Variants in ITK observed in about 807,000 individuals in gnomAD.
ITK encodes IL2 inducible T cell kinase.
Under a neutral mutation model 87.6 loss-of-function variants are expected in ITK, and 45 were observed. That is an observed-to-expected ratio of 0.51 (90% CI 0.40 to 0.66). The LOEUF is 0.66. Ranked by LOEUF, ITK falls within the 30% of genes least tolerant of loss-of-function variation. The probability of loss-of-function intolerance (pLI) is 0.00; values close to 1 mark genes in which losing one functional copy is unlikely to be tolerated. For synonymous variants in ITK, 303 were observed against 273.6 expected (o/e 1.11, Z -1.06); for missense variants, 605 against 766.3 (o/e 0.79, Z 2.48).
intron 10 of ITK, 62 bp from the exon 11 acceptor site, chr5:157,241,584 A>AAGTT: frequency 8.9e-7 from 1 of 1,118,340 alleles, no homozygotes; most frequent in Non-Finnish European, 1.4e-6. Flanking sequence ...TTAGTGATTT[A>AAGTT]AGTTAGATGG....
In ITK at chr5:157,214,739, T is replaced by C. The variant is rs189511933; in HGVS notation, c.454+420T>C. ...TAATTAAAGAGGCAGCCTTAAGAGA[T>C]ATAAAATATTTATGTCTTACAGTGA... is the stretch of plus-strand genomic sequence containing the variant. On this transcript the variant is annotated intron_variant, in intron 4 of 16. Coordinates refer to ENST00000422843, the MANE Select transcript of ITK (RefSeq NM_005546.4). 7.2e-5 allele frequency among the ~76,000 whole-genome samples: 11 copies of C among 152,306 alleles called. No individual in the cohort carries two copies. In the East Asian group the frequency reaches 1.9e-3, roughly 27 times the overall value.
At chr5:157,181,750 GA>G (rs1753526315) in intron 1 of ITK, among the ~76,000 whole-genome samples, 1 of 152,228 alleles carries the variant, frequency 6.6e-6, no homozygotes, top group Non-Finnish European at 1.5e-5. Context: ...GGGTTATTAA[GA>G]ACAAAGTTTC....
At chr5:157,207,132 C>T (rs1754093591) in intron 1 of ITK, among the ~76,000 whole-genome samples, 1 of 151,902 alleles carries the variant, frequency 6.6e-6, no homozygotes, top group Non-Finnish European at 1.5e-5. Context: ...TGATAGACAA[C>T]CTAAGTCTTT....
intron 1 of ITK, among the ~76,000 whole-genome samples, chr5:157,194,195 C>T (rs1424629572): frequency 6.6e-6 from 1 of 152,130 alleles, no homozygotes; most frequent in East Asian, 1.9e-4. Flanking sequence ...TTCTACTTAC[C>T]TTCACGACTG....
At chr5:157,233,932 CATATATATATATAT>C (rs201838461) in intron 8 of ITK, among the ~76,000 whole-genome samples, 267 of 21,522 alleles carry the variant, frequency 0.012, 6 homozygotes, top group South Asian at 0.032. Flanking sequence ...CTTACTGATA[CATATATATATATAT>C]ATATATATAT....
At chr5:157,210,492 CAGTTT>C (rs1025544664) in intron 2 of ITK, among the ~76,000 whole-genome samples, 4 of 149,992 alleles carry the variant, frequency 2.7e-5, no homozygotes, top group African/African-American at 9.8e-5. Context: ...AAGAAGACTG[CAGTTT>C]AGTTAACAGT....
chr5:157,229,653 C>T (rs1754609443), intron 7 of ITK, among the ~76,000 whole-genome samples: 1 of 152,202 alleles, frequency 6.6e-6, no homozygotes, highest in African/African-American at 2.4e-5. Flanking sequence ...GTGGCCCACA[C>T]CTGTAGTCTC....
rs559746566 is a variant in ITK at position 157,200,650 on chromosome 5, T to C, written c.139-8239T>C. 3.1e-3 allele frequency among the ~76,000 whole-genome samples: 468 copies of C among 152,264 alleles called. 2 individuals are homozygous for C. Among genetic ancestry groups the C allele is most frequent in the Non-Finnish European group, 4.6e-3 (310 of 68,020 alleles). ...GACTGACCAACCAGTCAGGATGGAT[T>C]GTGGTGGTGGATCCCAAGCACTCAT... On this transcript the variant is annotated intron_variant, in intron 1 of 16. Coordinates refer to ENST00000422843, the MANE Select transcript of ITK (RefSeq NM_005546.4).
chr5:157,253,700 C>T lies in ITK; in HGVS notation c.*1022C>T. On this transcript the variant is annotated 3_prime_UTR_variant, in exon 17 of 17. Coordinates refer to ENST00000422843, the MANE Select transcript of ITK (RefSeq NM_005546.4). ...ATGTTCCCTTGGCGAGCAATTGAAA[C>T]TTGTTTAGGCCCTAGGGTTGAGCAA... 4.5e-6 allele frequency: 1 copy of T among 222,354 alleles called. No individual in the cohort carries two copies. Among genetic ancestry groups the T allele is most frequent in the Non-Finnish European group, 9.0e-6 (1 of 111,172 alleles). The allele number at this position is 222,354 out of a possible 1,614,324, so 13.8% of individuals were successfully genotyped here.
At chr5:157,243,955 C>G in intron 12 of ITK, 161 bp downstream of exon 12, 1 of 743,248 alleles carries the variant, frequency 1.3e-6, no homozygotes, top group Non-Finnish European at 2.4e-6. Flanking sequence ...TCACAGTGGT[C>G]TCCAAGGCCC....
intron 1 of ITK, chr5:157,195,650 T>C (rs1294075314): frequency 6.6e-6 from 1 of 152,238 alleles, no homozygotes; most frequent in Non-Finnish European, 1.5e-5. Context: ...CTTCCAATAA[T>C]ACTTTATACA....
At chr5:157,222,222 A>G (rs13172458) in intron 5 of ITK, among the ~76,000 whole-genome samples, 2,494 of 152,240 alleles carry the variant, frequency 0.016, 29 homozygotes, top group Non-Finnish European at 0.027. Context: ...TCTGGCGACT[A>G]TGCGCTTTGT....
At chr5:157,218,995 G>T (rs1754357611) in intron 5 of ITK, among the ~76,000 whole-genome samples, 1 of 151,720 alleles carries the variant, frequency 6.6e-6, no homozygotes, top group Non-Finnish European at 1.5e-5. Context: ...CTACTCTAGG[G>T]CAGCTTATTT....
rs1326035618 is a variant in ITK at position 157,249,018 on chromosome 5, G to T, written c.1791+11G>T. 1.2e-6 allele frequency: 2 copies of T among 1,612,614 alleles called. No individual in the cohort carries two copies. The highest frequency in any genetic ancestry group is 1.7e-5 in the Admixed American group (1 of 59,996). On this transcript the variant is annotated intron_variant, in intron 16 of 16. Coordinates refer to ENST00000422843, the MANE Select transcript of ITK (RefSeq NM_005546.4). ...CACTGCTGGAAAGAGGTCAGTGGAG[G>T]AAGTGCTTCCCCATGCATTGTCGTA... is the stretch of plus-strand genomic sequence containing the variant.
At chr5:157,228,480 A>C in intron 7 of ITK, 119 bp downstream of exon 7, 1 of 708,828 alleles carries the variant, frequency 1.4e-6, no homozygotes, top group Non-Finnish European at 2.6e-6. Context: ...AGCAATGTTC[A>C]CACATACCAT....
intron 5 of ITK, 22 bp downstream of exon 5, chr5:157,217,929 G>C (rs246747): frequency 1.4e-5 from 22 of 1,609,026 alleles, no homozygotes; most frequent in Non-Finnish European, 1.6e-5. Context: ...CGCTAGCTCC[G>C]GGTGCAGGTG....
At chr5:157,245,223 TAA>T (rs139283977) in intron 13 of ITK, 33,789 of 160,602 alleles carry the variant, frequency 0.21, 3,370 homozygotes, top group Middle Eastern at 0.3. Flanking sequence ...AGACTCCATC[TAA>T]AAAAAAAAAA....
intron 3 of ITK, chr5:157,213,610 G>A (rs551785040): frequency 2.2e-6 from 1 of 450,160 alleles, no homozygotes; most frequent in East Asian, 7.0e-5. Flanking sequence ...TAGAACTCCT[G>A]GACTCAAGTG....
rs546045284 is a variant in ITK at position 157,223,089 on chromosome 5, C to T, written c.647+75C>T. ...CAAATAAAATACCAGGATGATTTGT[C>T]CTATCTCCCACAGTGTAACCACAGC... On this transcript the variant is annotated intron_variant, in intron 6 of 16. Transcript: ENST00000422843. 2.7e-5 allele frequency: 41 copies of T among 1,542,540 alleles called. 1 individual carries two copies. The South Asian group carries it at 4.4e-4, about 16-fold the overall frequency.
Sources: gnomAD v4.1 joint callset for allele counts (sites outside exome capture counted in the v4.1 genomes callset) on GRCh38, gnomAD v4.1.1 for gene constraint, MANE v1.5 for transcripts, NCBI Gene and HGNC (gene_info 2026-07-23, HGNC 2026-07-21) for gene names.